DDX60: variants seen among roughly 807,000 people sequenced by gnomAD.
DDX60 encodes the protein probable ATP-dependent RNA helicase DDX60.
Under a neutral mutation model 212.8 loss-of-function variants are expected in DDX60, and 165 were observed. The observed-to-expected ratio is 0.78, with a 90% CI of 0.68 to 0.88. The LOEUF (loss-of-function observed/expected upper bound fraction) is 0.88, where lower values mean the gene tolerates loss of function less well. DDX60 is among the 40% of genes least tolerant of loss of function. The pLI, the probability that DDX60 is intolerant of heterozygous loss-of-function variation, is 0.00. For missense variants in DDX60, 1,905 were observed against 2,003.9 expected, an observed-to-expected ratio of 0.95 and a Z score of 0.94; for synonymous variants, 703 against 685.3, an observed-to-expected ratio of 1.03 and a Z score of -0.40.
intron 22 of DDX60, among the ~76,000 whole-genome samples, chr4:168,266,477 C>T (rs1298470991): frequency 1.3e-5 from 2 of 152,110 alleles, no homozygotes; most frequent in South Asian, 4.1e-4. Flanking sequence ...ATTAGAAACA[C>T]AGACAAGGTA....
chr4:168,273,959 A>AC lies in DDX60; in HGVS notation c.2428dup (p.Val810GlyfsTer13). ...CTTTGTGGGTGCAACGTACACGACCACCCCGTCGTCGCTCTCCTTCAGCAC... is the reference window on the plus strand; with the variant it reads ...CTTTGTGGGTGCAACGTACACGACCACCCCCGTCGTCGCTCTCCTTCAGCAC... On this transcript the variant is annotated frameshift_variant, in exon 17 of 38. Coordinates refer to ENST00000393743, the MANE Select transcript of DDX60 (RefSeq NM_017631.6). LOFTEE classifies it high-confidence loss of function. 1 of 1,614,028 alleles carries AC rather than the reference A, an allele frequency of 6.2e-7. No individual in the cohort carries two copies. Among genetic ancestry groups the AC allele is most frequent in the Non-Finnish European group, 8.5e-7 (1 of 1,179,956 alleles).
rs1185602049 is a variant in DDX60 at position 168,287,215 on chromosome 4, T to C, written c.1184-12A>G. On this transcript the variant is annotated splice_polypyrimidine_tract_variant and intron_variant, in intron 9 of 37. Coordinates refer to ENST00000393743, the MANE Select transcript of DDX60 (RefSeq NM_017631.6). The stretch of plus-strand genomic sequence containing the variant: ...ATTCAAATGTAGGCCTACATAACAA[T>C]TAAAAACACTAAATACTAGAAGCCA... The C allele has an allele frequency of 5.0e-6, 8 of 1,593,412 alleles. No homozygotes were observed. The highest frequency in any genetic ancestry group is 4.3e-6 in the Non-Finnish European group (5 of 1,167,894).
intron 25 of DDX60, among the ~76,000 whole-genome samples, chr4:168,259,537 G>GAAATAACGATGATGGGTGAATGTAAGA (rs1734541510): frequency 6.6e-6 from 1 of 151,864 alleles, no homozygotes; most frequent in Non-Finnish European, 1.5e-5. Context: ...CTATATGTCT[G>GAAATAACGATGATGGGTGAATGTAAGA]TTTACATGTG....
At chr4:168,320,725 C>G (rs533901556), upstream of DDX60, among the ~76,000 whole-genome samples, 1 of 152,322 alleles carries the variant, frequency 6.6e-6, no homozygotes, top group South Asian at 2.1e-4. Flanking sequence ...TTAATTCAGA[C>G]AGCTACTATG....
At position 168,227,000 on chromosome 4, in the gene DDX60, C is replaced by T. The variant is rs192437820; in HGVS notation, c.4534-1324G>A. The stretch of plus-strand genomic sequence containing the variant: ...CAAGTAAATTTCTGTTGTTTATTAG[C>T]CAGCCAATCATTGCTACATTATAGC... On this transcript the variant is annotated intron_variant, in intron 33 of 37. Transcript: ENST00000393743. Among the ~76,000 whole-genome samples, 443 of 152,110 alleles carry T rather than the reference C, an allele frequency of 2.9e-3. 3 individuals are homozygous for T. Among genetic ancestry groups the T allele is most frequent in the African/African-American group, 0.01 (419 of 41,530 alleles).
At chr4:168,278,994 C>A (rs181233454) in intron 14 of DDX60, among the ~76,000 whole-genome samples, 106 of 152,184 alleles carry the variant, frequency 7.0e-4, no homozygotes, top group Middle Eastern at 3.4e-3. Flanking sequence ...GAAGAAGATG[C>A]CCAATAGAAC....
At chr4:168,227,940 T>A (rs1295578904) in intron 33 of DDX60, among the ~76,000 whole-genome samples, 1 of 152,148 alleles carries the variant, frequency 6.6e-6, no homozygotes, top group Non-Finnish European at 1.5e-5. Context: ...TCAGTTTTTA[T>A]ACCTAAAGTG....
chr4:168,301,401 G>C (rs1312302225), intron 6 of DDX60, among the ~76,000 whole-genome samples: 1 of 152,108 alleles, frequency 6.6e-6, no homozygotes, highest in South Asian at 2.1e-4. Flanking sequence ...AGATGAGACT[G>C]GACCATCTTG....
intron 6 of DDX60, among the ~76,000 whole-genome samples, chr4:168,299,287 C>A (rs1736547431): frequency 6.9e-6 from 1 of 145,094 alleles, no homozygotes; most frequent in Admixed American, 6.9e-5. Context: ...TTTTTAATGA[C>A]AAAAAATTTA....
intron 33 of DDX60, 198 bp downstream of exon 33, chr4:168,236,054 C>A (rs1386654543): frequency 8.7e-6 from 4 of 462,372 alleles, no homozygotes; most frequent in Non-Finnish European, 1.5e-5. Context: ...TTCACAAAGA[C>A]TTTAACTTTT....
In DDX60 at chr4:168,236,365, G is replaced by T; in HGVS notation, c.4420C>A (p.His1474Asn). 1 of 1,602,796 alleles carries T rather than the reference G, an allele frequency of 6.2e-7. No homozygotes were observed. Among genetic ancestry groups the T allele is most frequent in the Non-Finnish European group, 8.5e-7 (1 of 1,174,916 alleles). ...TTTTCCATAACGTCTTGAGAAAAAT[G>T]TTTTGAGCCTATATAAAACAAAGTG... ...LCQPTRKGSK[H>N]FSQDVMEKLV... The change falls in exon 33 of 38, where the codon CAT becomes AAT. Residue 1474 changes from histidine to asparagine, a missense_variant. His to Asn is a moderately conservative substitution (Grantham distance 68, BLOSUM62 1). Transcript: ENST00000393743.
At chr4:168,247,571 G>A (rs1162639513) in intron 29 of DDX60, among the ~76,000 whole-genome samples, 2 of 152,206 alleles carry the variant, frequency 1.3e-5, no homozygotes, top group Non-Finnish European at 2.9e-5. Context: ...AAATGTCTCT[G>A]AGCAGGGAGG....
intron 14 of DDX60, among the ~76,000 whole-genome samples, chr4:168,276,627 C>A (rs1243989866): frequency 6.6e-6 from 1 of 152,178 alleles, no homozygotes; most frequent in Non-Finnish European, 1.5e-5. Context: ...CCCTTCAATT[C>A]AATCCACCTC....
At chr4:168,287,405 T>C (rs1273005186) in intron 9 of DDX60, among the ~76,000 whole-genome samples, 2 of 152,208 alleles carry the variant, frequency 1.3e-5, no homozygotes, top group African/African-American at 4.8e-5. Flanking sequence ...ATCTTGTTTT[T>C]ATTGTTAATA....
chr4:168,305,767 C>T (rs745913149), intron 5 of DDX60, among the ~76,000 whole-genome samples: 43 of 151,666 alleles, frequency 2.8e-4, no homozygotes, highest in African/African-American at 9.7e-4. Flanking sequence ...TCATGGAATT[C>T]GAACTCTAAG....
chr4:168,291,823 C>T lies in DDX60; in HGVS notation c.966G>A (p.Leu322=). The change falls in exon 8 of 38, where the codon CTG becomes CTA. Residue 322 remains leucine, a synonymous_variant. Coordinates refer to ENST00000393743, the MANE Select transcript of DDX60 (RefSeq NM_017631.6). ...HCLTVVFLLH[L]PLSQRACARV... is the part of the protein sequence containing the mutation. ...TAGCACAAGCTCTTTGAGAAAGAGGCAGATGGAGTAGAAAAACCACAGTGA... is the reference window on the plus strand; with the variant it reads ...TAGCACAAGCTCTTTGAGAAAGAGGTAGATGGAGTAGAAAAACCACAGTGA... The T allele has an allele frequency of 6.2e-7, 1 of 1,613,716 alleles. No individual in the cohort carries two copies. Among genetic ancestry groups the T allele is most frequent in the South Asian group, 1.1e-5 (1 of 91,024 alleles).
intron 5 of DDX60, among the ~76,000 whole-genome samples, chr4:168,303,119 G>C (rs909549989): frequency 2.0e-5 from 3 of 151,586 alleles, no homozygotes; most frequent in African/African-American, 7.3e-5. Context: ...TGGCTAACAC[G>C]GTGAAACCCC....
intron 20 of DDX60, 29 bp downstream of exon 20, chr4:168,268,825 C>A: frequency 8.1e-7 from 1 of 1,230,342 alleles, no homozygotes; most frequent in Non-Finnish European, 1.2e-6. Flanking sequence ...TAGATAAACA[C>A]TCTGTCCAAA....
In DDX60 at chr4:168,262,696, C is replaced by T; in HGVS notation, c.3131G>A (p.Trp1044Ter). ...YDAMFQIWKS[W>*]PRAQELCPEN... The stretch of plus-strand genomic sequence containing the variant: ...ATTATTATTTACCTGGGCCCGAGGC[C>T]AACTTTTCCAAATTTGAAACATGGC... Residue 1044 changes from tryptophan (W) to a stop codon, truncating the protein, a stop_gained, in exon 23 of 38, where the codon TGG (tryptophan) becomes TAG (stop). Coordinates refer to ENST00000393743, the MANE Select transcript of DDX60 (RefSeq NM_017631.6). LOFTEE classifies it high-confidence loss of function. 2 of 1,611,026 alleles carry T rather than the reference C, an allele frequency of 1.2e-6. No homozygotes were observed. The highest frequency in any genetic ancestry group is 1.7e-6 in the Non-Finnish European group (2 of 1,178,236).
Sources: gnomAD v4.1 joint callset for allele counts (sites outside exome capture counted in the v4.1 genomes callset) on GRCh38, gnomAD v4.1.1 for gene constraint, MANE v1.5 for transcripts, NCBI Gene and HGNC (gene_info 2026-07-23, HGNC 2026-07-21) for gene names.